The following PIK3AP1 variants were observed in gnomAD, a reference collection of about 807,000 sequenced individuals.
PIK3AP1 encodes the protein phosphoinositide-3-kinase adaptor protein 1, also known as phosphoinositide 3-kinase adapter protein 1.
A neutral mutation model predicts 88.1 loss-of-function variants in PIK3AP1; 21 were observed. That is an observed-to-expected ratio of 0.24 (90% confidence interval 0.17 to 0.34). The LOEUF (loss-of-function observed/expected upper bound fraction) is 0.34, where lower values mean the gene tolerates loss of function less well. Among genes scored for constraint, PIK3AP1 ranks in the 10% least tolerant of loss-of-function variants. PIK3AP1 has a pLI of 1.00. For missense variants in PIK3AP1, 828 were observed against 1,035.7 expected (o/e 0.80, Z 2.75); for synonymous variants, 398 against 400.0 (o/e 1.00, Z 0.06).
intron 2 of PIK3AP1, among the ~76,000 whole-genome samples, chr10:96,680,568 T>C (rs1000344532): frequency 1.3e-5 from 2 of 152,232 alleles, no homozygotes; most frequent in Non-Finnish European, 2.9e-5. Context: ...TATTTGGTTT[T>C]CTGTTCCTCT....
At chr10:96,604,928 C>T (rs1336316387) in intron 14 of PIK3AP1, among the ~76,000 whole-genome samples, 6 of 152,088 alleles carry the variant, frequency 3.9e-5, no homozygotes, top group South Asian at 2.1e-4. Context: ...GGCACGATCT[C>T]GGCTCAGTGC....
chr10:96,678,231 C>T (rs61856773), intron 2 of PIK3AP1, among the ~76,000 whole-genome samples: 10,102 of 152,110 alleles, frequency 0.066, 463 homozygotes, highest in Non-Finnish European at 0.1. Flanking sequence ...GTCAGGAGTT[C>T]GAGACCAGCC....
At chr10:96,686,358 C>T (rs1468366307) in intron 2 of PIK3AP1, among the ~76,000 whole-genome samples, 3 of 152,146 alleles carry the variant, frequency 2.0e-5, no homozygotes, top group Non-Finnish European at 4.4e-5. Context: ...AATATGTGGG[C>T]CCTGCTCCTA....
intron 13 of PIK3AP1, among the ~76,000 whole-genome samples, chr10:96,611,088 G>T (rs537068269): frequency 6.6e-6 from 1 of 152,288 alleles, no homozygotes; most frequent in African/African-American, 2.4e-5. Context: ...CAGGGTGAAT[G>T]GATAAACTGG....
At position 96,598,346 on chromosome 10, in the gene PIK3AP1, T is replaced by G. The variant is rs1462703274; in HGVS notation, c.2361-2712A>C. Among the ~76,000 whole-genome samples the G allele has an allele frequency of 9.2e-5, 14 of 152,246 alleles. No individual in the cohort carries two copies. In the South Asian group the frequency reaches 2.9e-3, roughly 32 times the overall value. ...TGCTGGGATTACAGGCATGAGCCAC[T>G]GTGCCTGGCCAAGAGTGTGAAGTTT... On this transcript the variant is annotated intron_variant, in intron 16 of 16. Coordinates refer to ENST00000339364, the MANE Select transcript of PIK3AP1 (RefSeq NM_152309.3).
At chr10:96,645,862 GT>G (rs1843452404) in intron 7 of PIK3AP1, among the ~76,000 whole-genome samples, 200 bp from the exon 8 acceptor site, 1 of 152,110 alleles carries the variant, frequency 6.6e-6, no homozygotes, top group Non-Finnish European at 1.5e-5. Flanking sequence ...TTTATTTCAC[GT>G]TTTTGTTTTA....
At chr10:96,691,572 C>T (rs973384053) in intron 2 of PIK3AP1, among the ~76,000 whole-genome samples, 2 of 152,190 alleles carry the variant, frequency 1.3e-5, no homozygotes, top group Non-Finnish European at 2.9e-5. Flanking sequence ...AAATGTTATA[C>T]GTTGGACTGG....
intron 8 of PIK3AP1, among the ~76,000 whole-genome samples, chr10:96,640,386 A>G (rs1042724231): frequency 1.3e-5 from 2 of 152,010 alleles, no homozygotes; most frequent in Non-Finnish European, 2.9e-5. Context: ...AGGCCATTCT[A>G]CCCAGAGCCT....
intron 2 of PIK3AP1, among the ~76,000 whole-genome samples, chr10:96,672,356 T>C (rs1002569060): frequency 2.6e-5 from 4 of 152,180 alleles, no homozygotes; most frequent in Non-Finnish European, 5.9e-5. Flanking sequence ...AAATCTTTTC[T>C]AGCTCACACA....
chr10:96,719,575 C>T (rs1295571744), intron 1 of PIK3AP1, among the ~76,000 whole-genome samples: 2 of 152,136 alleles, frequency 1.3e-5, no homozygotes, highest in Non-Finnish European at 2.9e-5. Flanking sequence ...CCATGGAGAA[C>T]ATATTAGGTG....
rs879715606 is a variant in PIK3AP1, at chr10:96,666,335, C to T, written c.431-9401G>A. Among the ~76,000 whole-genome samples, 5 of 152,172 alleles carry T rather than the reference C, an allele frequency of 3.3e-5. No homozygotes were observed. The South Asian group carries it at 8.3e-4, about 25-fold the overall frequency. On this transcript the variant is annotated intron_variant, in intron 2 of 16. Transcript: ENST00000339364. ...TCGGGAGGCTGAGGCAGGAGAATGG[C>T]GTGAACCTGGGAGGCGGAGCTTGCA...
At chr10:96,624,905 C>T (rs562945801) in intron 10 of PIK3AP1, among the ~76,000 whole-genome samples, 8 of 152,322 alleles carry the variant, frequency 5.3e-5, no homozygotes, top group South Asian at 4.1e-4. Context: ...GCCATCAGTA[C>T]GGTTCCCTAC....
chr10:96,714,030 C>T (rs9971113), intron 1 of PIK3AP1, among the ~76,000 whole-genome samples: 77,985 of 151,920 alleles, frequency 0.51, 20,196 homozygotes, highest in Middle Eastern at 0.64. Context: ...AAAAATTAGC[C>T]GGGCATGGTG....
At chr10:96,611,555 T>C (rs548950767) in intron 13 of PIK3AP1, among the ~76,000 whole-genome samples, 6,026 of 152,238 alleles carry the variant, frequency 0.04, 148 homozygotes, top group African/African-American at 0.064. Flanking sequence ...CTTCAACCTC[T>C]GCCTCCTGGG....
At chr10:96,669,951 C>A (rs1480792433) in intron 2 of PIK3AP1, among the ~76,000 whole-genome samples, 3 of 151,470 alleles carry the variant, frequency 2.0e-5, no homozygotes, top group African/African-American at 7.3e-5. Flanking sequence ...CCGAGGTGGG[C>A]GGATCCTAAG....
rs763977259 is a variant in PIK3AP1, at chr10:96,651,504, C to T, written c.855+5G>A. The T allele has an allele frequency of 6.2e-7, 1 of 1,614,048 alleles. No individual in the cohort carries two copies. The highest frequency in any genetic ancestry group is 1.3e-5 in the African/African-American group (1 of 74,928). ...AAATCTCAGGTTTCCTTGTAATATCCTTACCTGACACATGAATTCCACAGG... is the reference window on the plus strand; with the variant it reads ...AAATCTCAGGTTTCCTTGTAATATCTTTACCTGACACATGAATTCCACAGG... On this transcript the variant is annotated splice_donor_5th_base_variant and intron_variant, in intron 5 of 16. Transcript: ENST00000339364.
intron 13 of PIK3AP1, 69 bp from the exon 14 acceptor site, chr10:96,609,936 C>G: frequency 1.9e-6 from 3 of 1,540,536 alleles, no homozygotes; most frequent in Non-Finnish European, 2.7e-6. Flanking sequence ...TGCTCAGCAG[C>G]TTCCCTCCAC....
At chr10:96,623,064 T>C (rs1449014152) in intron 11 of PIK3AP1, among the ~76,000 whole-genome samples, 8 of 152,162 alleles carry the variant, frequency 5.3e-5, no homozygotes, top group Non-Finnish European at 1.2e-4. Context: ...CACTTTCCAC[T>C]AATTAAGGTC....
intron 2 of PIK3AP1, among the ~76,000 whole-genome samples, chr10:96,677,578 TAC>T (rs35018772): frequency 0.15 from 17,810 of 120,730 alleles, 1,049 homozygotes; most frequent in East Asian, 0.24. Flanking sequence ...ACTAAGCACA[TAC>T]ACACACACAC....
Sources: gnomAD v4.1 joint callset for allele counts (sites outside exome capture counted in the v4.1 genomes callset) on GRCh38, gnomAD v4.1.1 for gene constraint, MANE v1.5 for transcripts, NCBI Gene and HGNC (gene_info 2026-07-23, HGNC 2026-07-21) for gene names.